PARD3B: variants seen among roughly 807,000 people sequenced by gnomAD.
The protein encoded by PARD3B is partitioning defective 3 homolog B.
Under a neutral mutation model 130.2 loss-of-function variants are expected in PARD3B, and 103 were observed. The observed-to-expected ratio is 0.79, with a 90% CI of 0.67 to 0.93. The LOEUF (loss-of-function observed/expected upper bound fraction) is 0.93. PARD3B is among the 40% of genes least tolerant of loss of function. The probability of loss-of-function intolerance (pLI) is 0.00; values close to 1 mark genes in which losing one functional copy is unlikely to be tolerated. For synonymous variants in PARD3B, 583 were observed against 553.2 expected, an observed-to-expected ratio of 1.05 and a Z score of -0.76; for missense variants, 1,609 against 1,499.2, an observed-to-expected ratio of 1.07 and a Z score of -1.21.
chr2:204,614,108 TG>T (rs2034024958), intron 1 of PARD3B, among the ~76,000 whole-genome samples: 1 of 152,142 alleles, frequency 6.6e-6, no homozygotes, highest in Non-Finnish European at 1.5e-5. Flanking sequence ...ATTAGTCTCA[TG>T]ACCTTTTTAC....
intron 2 of PARD3B, among the ~76,000 whole-genome samples, chr2:204,863,068 A>G (rs1289130092): frequency 6.6e-6 from 1 of 152,156 alleles, no homozygotes; most frequent in Non-Finnish European, 1.5e-5. Context: ...ATCCGGGACC[A>G]GCAGTCTGTT....
chr2:204,815,432 A>G (rs917886115), intron 2 of PARD3B, among the ~76,000 whole-genome samples: 1 of 151,860 alleles, frequency 6.6e-6, no homozygotes, highest in Non-Finnish European at 1.5e-5. Flanking sequence ...TTTTGTATTC[A>G]TGATCAATCT....
At chr2:205,107,120 T>C (rs1466730959) in intron 5 of PARD3B, among the ~76,000 whole-genome samples, 1 of 152,240 alleles carries the variant, frequency 6.6e-6, no homozygotes. Context: ...TGTAACTGTT[T>C]AATTTCTATA....
chr2:204,731,072 A>G (rs569206118), intron 2 of PARD3B, among the ~76,000 whole-genome samples: 2 of 152,316 alleles, frequency 1.3e-5, no homozygotes, highest in Admixed American at 6.5e-5. Flanking sequence ...GTTGATTACA[A>G]TGTGATGCTT....
chr2:205,126,143 A>C (rs926807470), intron 10 of PARD3B, among the ~76,000 whole-genome samples: 2 of 152,224 alleles, frequency 1.3e-5, no homozygotes, highest in Non-Finnish European at 2.9e-5. Context: ...AATGGCGATG[A>C]AGATTATGAA....
At chr2:204,548,211 A>AT (rs200154434) in intron 1 of PARD3B, among the ~76,000 whole-genome samples, 12 of 152,130 alleles carry the variant, frequency 7.9e-5, no homozygotes, top group African/African-American at 1.7e-4. Flanking sequence ...GCTTTTATTC[A>AT]TTTTTTTTAA....
chr2:205,302,879 G>A (rs1009410965), intron 18 of PARD3B, among the ~76,000 whole-genome samples: 1 of 152,170 alleles, frequency 6.6e-6, no homozygotes, highest in African/African-American at 2.4e-5. Flanking sequence ...AATGAGGCCA[G>A]CATACTTGCT....
chr2:205,173,177 G>A (rs2035272104), intron 12 of PARD3B, among the ~76,000 whole-genome samples: 1 of 152,098 alleles, frequency 6.6e-6, no homozygotes, highest in African/African-American at 2.4e-5. Flanking sequence ...TTGTGTTTGT[G>A]TAATAAAATA....
chr2:205,438,206 A>C (rs2047585190), intron 19 of PARD3B, among the ~76,000 whole-genome samples: 1 of 152,196 alleles, frequency 6.6e-6, no homozygotes. Flanking sequence ...ATATAAGATA[A>C]AATATTGCTT....
intron 18 of PARD3B, among the ~76,000 whole-genome samples, chr2:205,339,526 A>G (rs1430478778): frequency 1.3e-5 from 2 of 152,184 alleles, no homozygotes; most frequent in Non-Finnish European, 2.9e-5. Context: ...AGAATTTGAC[A>G]ATTGGTTTTA....
rs1442285436 is a variant in PARD3B at position 205,470,586 on chromosome 2, AT to A, written c.3045-29307del. The stretch of plus-strand genomic sequence containing the variant: ...AGATAATGAGAATTTAAGTTATAAG[AT>A]TTGTAAGGATCATGGAATAAAGGCA... On this transcript the variant is annotated intron_variant, in intron 20 of 22. Transcript: ENST00000406610. This position sits in a 1 kb window ranked among gnomAD's most constrained non-coding sequence, Gnocchi z 4.8. Among the ~76,000 whole-genome samples, 1 of 152,166 alleles carries A rather than the reference AT, an allele frequency of 6.6e-6. No individual in the cohort carries two copies. Among genetic ancestry groups the A allele is most frequent in the African/African-American group, 2.4e-5 (1 of 41,448 alleles).
rs67278658 is a variant in PARD3B at position 204,904,674 on chromosome 2, C to CT, written c.223-60468dup. 6.9e-3 allele frequency among the ~76,000 whole-genome samples: 1,025 copies of CT among 147,548 alleles called. 6 individuals carry two copies. Among genetic ancestry groups the CT allele is most frequent in the Middle Eastern group, 0.024 (7 of 290 alleles). ...TATGGCAATGCCTTTAATTTCAATG[C>CT]TTTTTTTTTTAGAAATTCTGAACTA... On this transcript the variant is annotated intron_variant, in intron 2 of 22. Coordinates refer to ENST00000406610, the MANE Select transcript of PARD3B (RefSeq NM_001302769.2).
At chr2:205,123,046 TTGAATGCAAAAA>T (rs1472310082) in intron 8 of PARD3B, among the ~76,000 whole-genome samples, 13 of 152,178 alleles carry the variant, frequency 8.5e-5, no homozygotes, top group African/African-American at 3.1e-4. Flanking sequence ...TTACAAAGCC[TTGAATGCAAAAA>T]TGAAAGATAC....
chr2:205,162,278 G>T (rs1183248651), intron 11 of PARD3B, among the ~76,000 whole-genome samples: 1 of 152,188 alleles, frequency 6.6e-6, no homozygotes, highest in Non-Finnish European at 1.5e-5. Context: ...TGTACATTAA[G>T]AAATAAAGCC....
chr2:205,333,909 G>A (rs1315713864), intron 18 of PARD3B, among the ~76,000 whole-genome samples: 1 of 152,102 alleles, frequency 6.6e-6, no homozygotes, highest in African/African-American at 2.4e-5. Flanking sequence ...TCTGTAGGTT[G>A]CAGAAATATA....
chr2:204,587,720 T>C (rs1164406504), intron 1 of PARD3B, among the ~76,000 whole-genome samples: 3 of 152,202 alleles, frequency 2.0e-5, no homozygotes, highest in Non-Finnish European at 2.9e-5. Flanking sequence ...TCCCCTGATA[T>C]GATTTGGCTG....
intron 16 of PARD3B, among the ~76,000 whole-genome samples, chr2:205,277,140 G>C (rs891096507): frequency 1.3e-5 from 2 of 152,210 alleles, no homozygotes; most frequent in African/African-American, 4.8e-5. Flanking sequence ...TAATCCTTGA[G>C]TATTCACTCT....
intron 2 of PARD3B, among the ~76,000 whole-genome samples, chr2:204,954,756 A>G (rs1049155481): frequency 1.3e-5 from 2 of 152,228 alleles, no homozygotes; most frequent in African/African-American, 4.8e-5. Context: ...TAGTCAGAAC[A>G]TTCAGTGTGG....
chr2:205,226,963 C>T (rs1574446342), intron 15 of PARD3B, among the ~76,000 whole-genome samples: 1 of 151,960 alleles, frequency 6.6e-6, no homozygotes, highest in East Asian at 1.9e-4. Flanking sequence ...GGTTAATTTC[C>T]ATGTGTTTAT....
Sources: allele counts gnomAD v4.1 joint callset (sites outside exome capture counted in the v4.1 genomes callset), GRCh38; gene constraint gnomAD v4.1.1; non-coding constraint Gnocchi (gnomAD v3.1); transcripts MANE v1.5; gene names NCBI Gene and HGNC (gene_info 2026-07-23, HGNC 2026-07-21).